Variants in LYN observed in about 807,000 individuals in gnomAD.
The protein encoded by LYN is LYN proto-oncogene, Src family tyrosine kinase, also known as tyrosine-protein kinase Lyn.
A neutral mutation model predicts 65.0 loss-of-function variants in LYN; 12 were observed. That is an observed-to-expected ratio of 0.18 (90% CI 0.12 to 0.30). The LOEUF (loss-of-function observed/expected upper bound fraction) is 0.30, where lower values mean the gene tolerates loss of function less well. Ranked by LOEUF, LYN falls within the 10% of genes least tolerant of loss-of-function variation. LYN has a pLI of 1.00. For synonymous variants in LYN, 222 were observed against 221.2 expected (o/e 1.00, Z -0.03); for missense variants, 380 against 623.2 (o/e 0.61, Z 4.16).
intron 11 of LYN, among the ~76,000 whole-genome samples, chr8:55,999,150 G>T (rs746004856): frequency 3.3e-5 from 5 of 152,102 alleles, no homozygotes; most frequent in Non-Finnish European, 5.9e-5. Flanking sequence ...AAATATTTTT[G>T]CAGTGCTCAC....
intron 2 of LYN, among the ~76,000 whole-genome samples, chr8:55,943,797 G>C (rs1472284682): frequency 6.6e-6 from 1 of 151,930 alleles, no homozygotes; most frequent in African/African-American, 2.4e-5. Flanking sequence ...AAGAAGTGGA[G>C]ATAGGCCAGG....
chr8:55,934,283 T>C (rs1245647312), intron 1 of LYN, among the ~76,000 whole-genome samples: 2 of 152,030 alleles, frequency 1.3e-5, no homozygotes, highest in African/African-American at 2.4e-5. Flanking sequence ...TAAAAAGAAG[T>C]TGGCAAACAG....
rs1447002565 is a variant in LYN, at chr8:55,947,535, TC to T, written c.179-82del. On this transcript the variant is annotated intron_variant, in intron 3 of 12. Transcript: ENST00000519728. ...CCAGTTGCCCCCTCTTAGTGCTTCC[TC>T]TCATCCTTTGTGCCCCATGAGGTTT... 2.7e-5 allele frequency: 26 copies of T among 964,278 alleles called. No homozygotes were observed. The East Asian group carries it at 5.1e-4, about 19-fold the overall frequency. The allele number at this position is 964,278 out of a possible 1,614,324, so 59.7% of individuals were successfully genotyped here. A position where few individuals can be genotyped will look rare whatever the true frequency, so the allele number is the denominator to read the frequency against.
intron 10 of LYN, among the ~76,000 whole-genome samples, chr8:55,989,739 C>G (rs948567424): frequency 6.6e-6 from 1 of 152,140 alleles, no homozygotes; most frequent in Non-Finnish European, 1.5e-5. Context: ...GGTTGAGGAC[C>G]ATGGCTCATG....
At chr8:56,002,844 G>A (rs915545059) in intron 12 of LYN, among the ~76,000 whole-genome samples, 5 of 151,926 alleles carry the variant, frequency 3.3e-5, no homozygotes, top group South Asian at 2.1e-4. Context: ...TGTATGTTAC[G>A]AGAGCCTCTA....
chr8:56,013,845 C>G lies in LYN; in HGVS notation c.*3735C>G, dbSNP rs991334238. The stretch of plus-strand genomic sequence containing the variant: ...ATCTTCCTTTATTTTCCACTTCTGG[C>G]TGGTGGAAGAGAGATCGTAGTTCTC... On this transcript the variant is annotated 3_prime_UTR_variant, in exon 13 of 13. Coordinates refer to ENST00000519728, the MANE Select transcript of LYN (RefSeq NM_002350.4). 4 of 152,202 alleles carry G rather than the reference C, an allele frequency of 2.6e-5. No individual in the cohort carries two copies. The highest frequency in any genetic ancestry group is 5.9e-5 in the Non-Finnish European group (4 of 68,044). The allele number at this position is 152,202 out of a possible 1,614,324, so 9.4% of individuals were successfully genotyped here. A position where few individuals can be genotyped will look rare whatever the true frequency, so the allele number is the denominator to read the frequency against.
chr8:55,899,580 T>C (rs1336408440), intron 1 of LYN, among the ~76,000 whole-genome samples: 4 of 152,376 alleles, frequency 2.6e-5, no homozygotes, highest in Admixed American at 1.3e-4. Flanking sequence ...CTCGTCAAGA[T>C]TGTATTCAAC....
In LYN at chr8:55,959,416, C is replaced by G. The variant is rs190617201; in HGVS notation, c.790+5432C>G. On this transcript the variant is annotated intron_variant, in intron 8 of 12. Coordinates refer to ENST00000519728, the MANE Select transcript of LYN (RefSeq NM_002350.4). ...TAAAATGGGGTTTAATGGAACCTAT[C>G]TCAGAGGGATTACATAACAATTGAA... Among the ~76,000 whole-genome samples, 287 of 152,264 alleles carry G rather than the reference C, an allele frequency of 1.9e-3. 4 individuals are homozygous for G. The highest frequency in any genetic ancestry group is 6.4e-3 in the African/African-American group (267 of 41,542).
chr8:56,009,493 G>A (rs1808757515), intron 12 of LYN, among the ~76,000 whole-genome samples: 1 of 152,150 alleles, frequency 6.6e-6, no homozygotes, highest in Admixed American at 6.5e-5. Context: ...CAAGGTCAAG[G>A]TGCTAGCCAG....
At chr8:55,952,606 A>G (rs1361741168) in intron 7 of LYN, among the ~76,000 whole-genome samples, 1 of 152,212 alleles carries the variant, frequency 6.6e-6, no homozygotes, top group East Asian at 1.9e-4. Context: ...CTACAGTTAA[A>G]TACACAAAGT....
rs1161351856 is a variant in LYN, at chr8:55,937,756, A to G, written c.-5-4099A>G. The stretch of plus-strand genomic sequence containing the variant: ...CACCCAGGCTGGAGTGCAGTGGCAC[A>G]ACAATCTTGGCTTACTGCAACCTCT... On this transcript the variant is annotated intron_variant, in intron 1 of 12. Coordinates refer to ENST00000519728, the MANE Select transcript of LYN (RefSeq NM_002350.4). 3.3e-5 allele frequency among the ~76,000 whole-genome samples: 5 copies of G among 152,218 alleles called. No individual in the cohort carries two copies. In the East Asian group the frequency reaches 7.7e-4, roughly 24 times the overall value.
chr8:55,927,708 G>A (rs111458273), intron 1 of LYN, among the ~76,000 whole-genome samples: 17,128 of 152,064 alleles, frequency 0.11, 1,238 homozygotes, highest in Middle Eastern at 0.29. Context: ...GGTGGCGGGT[G>A]CCTGTAATGC....
intron 1 of LYN, among the ~76,000 whole-genome samples, chr8:55,910,156 T>G (rs543975285): frequency 5.9e-5 from 9 of 152,306 alleles, no homozygotes; most frequent in African/African-American, 2.2e-4. Flanking sequence ...TTTAAGTAAG[T>G]CTCATTTGTC....
chr8:56,008,130 A>AAT (rs1808724001), intron 12 of LYN, among the ~76,000 whole-genome samples: 4 of 133,694 alleles, frequency 3.0e-5, no homozygotes, highest in African/African-American at 8.2e-5. Flanking sequence ...AAAAAAAAAT[A>AAT]AAATAAAATA....
chr8:55,945,120 G>C (rs1053720727), intron 2 of LYN, among the ~76,000 whole-genome samples: 9 of 152,198 alleles, frequency 5.9e-5, no homozygotes, highest in Admixed American at 4.6e-4. Context: ...GTGAGGTAGG[G>C]TTGATGCAAA....
intron 10 of LYN, among the ~76,000 whole-genome samples, chr8:55,995,965 A>G (rs1254380281): frequency 2.0e-5 from 3 of 152,244 alleles, no homozygotes; most frequent in African/African-American, 7.2e-5. Context: ...TAGTGGGCTA[A>G]CAAGATAGTA....
chr8:55,913,816 G>A (rs1805707592), intron 1 of LYN, among the ~76,000 whole-genome samples: 1 of 152,196 alleles, frequency 6.6e-6, no homozygotes, highest in Non-Finnish European at 1.5e-5. Context: ...CTGCTTATGG[G>A]ATGGGTTATT....
intron 1 of LYN, among the ~76,000 whole-genome samples, chr8:55,914,740 T>C (rs1805737608): frequency 6.6e-6 from 1 of 152,148 alleles, no homozygotes. Flanking sequence ...CACTACAATA[T>C]CCAGTAGATT....
intron 1 of LYN, among the ~76,000 whole-genome samples, chr8:55,902,077 G>C (rs548459846): frequency 1.4e-4 from 21 of 151,674 alleles, no homozygotes; most frequent in Admixed American, 1.3e-3. Context: ...GTGCGATCTT[G>C]GCTTACCACA....
Sources: allele counts gnomAD v4.1 joint callset (sites outside exome capture counted in the v4.1 genomes callset), GRCh38; gene constraint gnomAD v4.1.1; transcripts MANE v1.5; gene names NCBI Gene and HGNC (gene_info 2026-07-23, HGNC 2026-07-21).